The following ABCB5 variants were observed in gnomAD, a reference collection of about 807,000 sequenced individuals.
The protein encoded by ABCB5 is ATP binding cassette subfamily B member 5.
In ABCB5, 155 loss-of-function variants were observed where a neutral mutation model predicts 144.2. The observed-to-expected ratio is 1.08, with a 90% CI of 0.94 to 1.23. ABCB5 has a LOEUF of 1.23. ABCB5 is among the 50% of genes most tolerant of loss of function. The probability of loss-of-function intolerance (pLI) is 0.00; values close to 1 mark genes in which losing one functional copy is unlikely to be tolerated. For synonymous variants in ABCB5, 610 were observed against 528.6 expected (o/e 1.15, Z -2.11); for missense variants, 1,830 against 1,520.8 (o/e 1.20, Z -3.38).
At chr7:20,646,468 T>C (rs1390336200) in intron 9 of ABCB5, among the ~76,000 whole-genome samples, 2 of 152,168 alleles carry the variant, frequency 1.3e-5, no homozygotes, top group Non-Finnish European at 2.9e-5. Context: ...TTTCCTTTCA[T>C]CTGGGCTGAG....
rs1218798609 is a variant in ABCB5, at chr7:20,668,165, G to A, written c.1707+9489G>A. On this transcript the variant is annotated intron_variant, in intron 14 of 27. Coordinates refer to ENST00000404938, the MANE Select transcript of ABCB5 (RefSeq NM_001163941.2). ...CCACCCCGTCTGGGAAGTGAGGAGC[G>A]TCTCTGCCTGGCCCCCCATCGTCTG... is the stretch of plus-strand genomic sequence containing the variant. 2.8e-5 allele frequency among the ~76,000 whole-genome samples: 4 copies of A among 141,690 alleles called. No homozygotes were observed. In the East Asian group the frequency reaches 6.6e-4, roughly 23 times the overall value. The allele number at this position is 141,690 out of a possible 152,430, so 93.0% of individuals were successfully genotyped here. A position where few individuals can be genotyped will look rare whatever the true frequency, so the allele number is the denominator to read the frequency against.
chr7:20,628,859 C>T, intron 4 of ABCB5, 21 bp downstream of exon 4: 8 of 1,611,180 alleles, frequency 5.0e-6, no homozygotes, highest in Non-Finnish European at 6.8e-6. Flanking sequence ...GATTATTTTT[C>T]TGTATCACTT....
chr7:20,681,069 T>TC (rs1785801079), intron 14 of ABCB5, among the ~76,000 whole-genome samples: 1 of 13,924 alleles, frequency 7.2e-5, no homozygotes. Flanking sequence ...TCTTTCTTTC[T>TC]TTCTTTCTTT....
chr7:20,734,884 G>T (rs964039416), intron 23 of ABCB5, among the ~76,000 whole-genome samples: 4 of 152,146 alleles, frequency 2.6e-5, no homozygotes, highest in Non-Finnish European at 4.4e-5. Flanking sequence ...CATTCTATTT[G>T]TTATTTCACT....
chr7:20,715,801 C>A (rs1404054057), intron 20 of ABCB5, among the ~76,000 whole-genome samples: 1 of 151,148 alleles, frequency 6.6e-6, no homozygotes, highest in Non-Finnish European at 1.5e-5. Flanking sequence ...CTCACTGCAA[C>A]CTCCGCCTCC....
chr7:20,720,773 G>T (rs1287287298), intron 20 of ABCB5, among the ~76,000 whole-genome samples: 1 of 151,482 alleles, frequency 6.6e-6, no homozygotes, highest in Non-Finnish European at 1.5e-5. Context: ...GTGAAACCCC[G>T]TCTCTACTAA....
intron 3 of ABCB5, among the ~76,000 whole-genome samples, chr7:20,626,957 T>A (rs1410926993): frequency 1.3e-5 from 2 of 152,038 alleles, no homozygotes; most frequent in East Asian, 3.9e-4. Context: ...ACTTTTACTA[T>A]CTATGTTTAC....
intron 5 of ABCB5, among the ~76,000 whole-genome samples, chr7:20,634,238 TTGTG>T (rs10688708): frequency 1.8e-3 from 248 of 140,536 alleles, no homozygotes; most frequent in African/African-American, 5.2e-3. Context: ...GTATTCCATG[TTGTG>T]TGTGTGTGTG....
intron 1 of ABCB5, among the ~76,000 whole-genome samples, chr7:20,620,341 G>A (rs1783782151): frequency 6.6e-6 from 1 of 151,968 alleles, no homozygotes; most frequent in South Asian, 2.1e-4. Flanking sequence ...ACTGGATTTG[G>A]CAAAGATTTC....
chr7:20,678,340 G>A (rs1017720235), intron 14 of ABCB5, among the ~76,000 whole-genome samples: 5 of 152,126 alleles, frequency 3.3e-5, no homozygotes, highest in African/African-American at 1.2e-4. Context: ...GCTTCATCAA[G>A]TTTATCTATT....
intron 4 of ABCB5, among the ~76,000 whole-genome samples, chr7:20,629,658 A>G (rs1454850936): frequency 6.6e-6 from 1 of 152,128 alleles, no homozygotes; most frequent in Admixed American, 6.5e-5. Flanking sequence ...GCTACTCGGG[A>G]GGCTGAGGCA....
At chr7:20,707,899 G>T (rs1016271506) in intron 20 of ABCB5, among the ~76,000 whole-genome samples, 1 of 144,490 alleles carries the variant, frequency 6.9e-6, no homozygotes, top group African/African-American at 2.6e-5. Flanking sequence ...CGCCTCCCAG[G>T]TTCACGCCAT....
chr7:20,666,339 G>C (rs1365386788), intron 14 of ABCB5, among the ~76,000 whole-genome samples: 1 of 152,186 alleles, frequency 6.6e-6, no homozygotes, highest in African/African-American at 2.4e-5. Flanking sequence ...AGAACTCTCT[G>C]TGCTGACACG....
At chr7:20,699,792 C>A in intron 17 of ABCB5, 33 bp from the exon 18 acceptor site, 2 of 1,433,862 alleles carry the variant, frequency 1.4e-6, no homozygotes, top group East Asian at 2.3e-5. Flanking sequence ...ATATTTTCCC[C>A]CAAACACCTG....
chr7:20,706,239 T>A (rs1786818636), intron 20 of ABCB5, among the ~76,000 whole-genome samples: 1 of 152,200 alleles, frequency 6.6e-6, no homozygotes, highest in Admixed American at 6.5e-5. Context: ...TCAATCCCTA[T>A]AATTCCATTT....
At chr7:20,709,973 GC>G (rs1304746841) in intron 20 of ABCB5, among the ~76,000 whole-genome samples, 5 of 148,504 alleles carry the variant, frequency 3.4e-5, no homozygotes, top group African/African-American at 1.2e-4. Context: ...CACTCGGGAG[GC>G]TGAAGGAAGA....
chr7:20,648,196 T>C lies in ABCB5; in HGVS notation c.1206+118T>C, dbSNP rs143404549. On this transcript the variant is annotated intron_variant, in intron 11 of 27. Transcript: ENST00000404938. ...TTTTCCAAGATTTTGGCTACTTTGCTTAGAGACTTGAGGAGGTAGATAAAT... is the reference window on the plus strand; with the variant it reads ...TTTTCCAAGATTTTGGCTACTTTGCCTAGAGACTTGAGGAGGTAGATAAAT... The C allele has an allele frequency of 9.2e-6, 6 of 653,038 alleles. No individual in the cohort carries two copies. The East Asian group carries it at 1.4e-4, about 15-fold the overall frequency. The allele number at this position is 653,038 out of a possible 1,614,324, so 40.5% of individuals were successfully genotyped here. A position where few individuals can be genotyped will look rare whatever the true frequency, so the allele number is the denominator to read the frequency against.
chr7:20,711,354 T>C (rs951602628), intron 20 of ABCB5, among the ~76,000 whole-genome samples: 1 of 149,868 alleles, frequency 6.7e-6, no homozygotes, highest in Non-Finnish European at 1.5e-5. Context: ...TGACTAATTA[T>C]TTCAGGTTTT....
chr7:20,692,178 C>G (rs1054074016), intron 16 of ABCB5, among the ~76,000 whole-genome samples: 3 of 151,954 alleles, frequency 2.0e-5, no homozygotes, highest in Non-Finnish European at 4.4e-5. Flanking sequence ...AATCCTACAC[C>G]TAGGTATATC....
Sources: gnomAD v4.1 joint callset for allele counts (sites outside exome capture counted in the v4.1 genomes callset) on GRCh38, gnomAD v4.1.1 for gene constraint, MANE v1.5 for transcripts, NCBI Gene and HGNC (gene_info 2026-07-23, HGNC 2026-07-21) for gene names.